CNTNAP2: variants seen among roughly 807,000 people sequenced by gnomAD.
The protein encoded by CNTNAP2 is contactin-associated protein-like 2.
CNTNAP2 carries 98 observed loss-of-function variants against 155.2 expected under a neutral mutation model. The observed-to-expected ratio is 0.63, with a 90% CI of 0.54 to 0.75. CNTNAP2 has a LOEUF of 0.75. Among genes scored for constraint, CNTNAP2 ranks in the 30% least tolerant of loss-of-function variants. CNTNAP2 has a pLI of 0.00. For synonymous variants in CNTNAP2, 651 were observed against 631.2 expected, an observed-to-expected ratio of 1.03 and a Z score of -0.47; for missense variants, 1,727 against 1,688.1, an observed-to-expected ratio of 1.02 and a Z score of -0.40.
intron 1 of CNTNAP2, among the ~76,000 whole-genome samples, chr7:146,693,157 G>C (rs1800725755): frequency 6.6e-6 from 1 of 152,064 alleles, no homozygotes; most frequent in Non-Finnish European, 1.5e-5. Context: ...TAGTAACAAA[G>C]ATAGCATTGT....
At chr7:148,170,065 T>C (rs1246440907) in intron 17 of CNTNAP2, among the ~76,000 whole-genome samples, 1 of 152,184 alleles carries the variant, frequency 6.6e-6, no homozygotes, top group Admixed American at 6.5e-5. Context: ...AGTATGTTCA[T>C]AGAAAAATGA....
intron 1 of CNTNAP2, among the ~76,000 whole-genome samples, chr7:146,453,284 C>T (rs1159059465): frequency 1.3e-5 from 2 of 152,306 alleles, no homozygotes; most frequent in Admixed American, 6.5e-5. Flanking sequence ...AAACTATCTG[C>T]TGCTTATTCC....
intron 21 of CNTNAP2, among the ~76,000 whole-genome samples, chr7:148,336,384 A>G (rs12667241): frequency 0.51 from 76,967 of 151,452 alleles, 19,797 homozygotes; most frequent in East Asian, 0.66. Flanking sequence ...AATATATAGC[A>G]GTTGATATGC....
rs776175685 is a variant in CNTNAP2, at chr7:147,044,064, G to A, written c.550+10G>A. On this transcript the variant is annotated intron_variant, in intron 4 of 23. Coordinates refer to ENST00000361727, the MANE Select transcript of CNTNAP2 (RefSeq NM_014141.6). The stretch of plus-strand genomic sequence containing the variant: ...TATGGCTGTTCTTACTGTGAGTATC[G>A]TATTGTTTAAATTTGTGGCAGGTTT... 24 of 1,613,880 alleles carry A rather than the reference G, an allele frequency of 1.5e-5. No individual in the cohort carries two copies. Among genetic ancestry groups the A allele is most frequent in the Non-Finnish European group, 1.9e-5 (23 of 1,179,860 alleles).
intron 3 of CNTNAP2, among the ~76,000 whole-genome samples, chr7:147,000,708 A>T (rs1216737520): frequency 6.6e-6 from 1 of 152,138 alleles, no homozygotes; most frequent in Non-Finnish European, 1.5e-5. Flanking sequence ...CAGGGCTAAA[A>T]GTCCATGAAT....
chr7:146,626,367 T>C (rs1799419152), intron 1 of CNTNAP2, among the ~76,000 whole-genome samples: 1 of 152,140 alleles, frequency 6.6e-6, no homozygotes, highest in East Asian at 1.9e-4. Flanking sequence ...CATTCTGTTC[T>C]GAGAGGGTTG....
At chr7:146,925,136 G>T (rs1796581036) in intron 3 of CNTNAP2, among the ~76,000 whole-genome samples, 2 of 151,906 alleles carry the variant, frequency 1.3e-5, no homozygotes, top group Non-Finnish European at 1.5e-5. Context: ...AATAATATAT[G>T]CACCCATATT....
chr7:147,507,831 G>A lies in CNTNAP2; in HGVS notation c.1777+21790G>A, dbSNP rs574438696. ...CTCCCAAAGTGCTGAGATTACAGGC[G>A]TGAGCCACCGCGCCTGGCCACTTTC... On this transcript the variant is annotated intron_variant, in intron 11 of 23. Coordinates refer to ENST00000361727, the MANE Select transcript of CNTNAP2 (RefSeq NM_014141.6). Among the ~76,000 whole-genome samples, 209 of 152,142 alleles carry A rather than the reference G, an allele frequency of 1.4e-3. 1 individual carries two copies. The highest frequency in any genetic ancestry group is 2.4e-3 in the Non-Finnish European group (161 of 68,006).
chr7:146,816,164 A>T (rs201840612), intron 2 of CNTNAP2, among the ~76,000 whole-genome samples: 24 of 152,140 alleles, frequency 1.6e-4, no homozygotes, highest in Non-Finnish European at 2.9e-4. Context: ...TCTATCATTG[A>T]TAGACATTTG....
At chr7:147,990,710 G>A (rs1329379684) in intron 15 of CNTNAP2, among the ~76,000 whole-genome samples, 2 of 152,058 alleles carry the variant, frequency 1.3e-5, no homozygotes, top group South Asian at 2.1e-4. Context: ...GGCGGTGCTT[G>A]TCCAAGATGG....
intron 5 of CNTNAP2, among the ~76,000 whole-genome samples, chr7:147,110,567 T>G (rs1398747289): frequency 3.9e-5 from 6 of 152,254 alleles, no homozygotes; most frequent in Admixed American, 2.0e-4. Flanking sequence ...GTTGTTCCTC[T>G]CTATGTGTCC....
intron 13 of CNTNAP2, among the ~76,000 whole-genome samples, chr7:147,715,684 T>C (rs147662228): frequency 0.011 from 1,609 of 152,242 alleles, 22 homozygotes; most frequent in African/African-American, 0.037. Context: ...CAGAATACTT[T>C]TTTTTTATTT....
In CNTNAP2 at chr7:147,402,182, T is replaced by C. The variant is rs1014950908; in HGVS notation, c.1670+6402T>C. Among the ~76,000 whole-genome samples the C allele has an allele frequency of 2.6e-5, 4 of 152,214 alleles. No homozygotes were observed. In the South Asian group the frequency reaches 6.2e-4, roughly 24 times the overall value. ...GAGTTGATCTCAGTCAAAGGTAAAC[T>C]TCCTTTTGTGGTTGTACTACCATTT... On this transcript the variant is annotated intron_variant, in intron 10 of 23. Coordinates refer to ENST00000361727, the MANE Select transcript of CNTNAP2 (RefSeq NM_014141.6).
At chr7:147,294,055 T>C (rs546463437) in intron 8 of CNTNAP2, among the ~76,000 whole-genome samples, 1 of 152,190 alleles carries the variant, frequency 6.6e-6, no homozygotes, top group Non-Finnish European at 1.5e-5. Context: ...CATACCACAC[T>C]GTATGTGGTA....
chr7:147,934,399 ACTC>A (rs902396397), intron 14 of CNTNAP2, among the ~76,000 whole-genome samples: 11 of 151,902 alleles, frequency 7.2e-5, no homozygotes, highest in African/African-American at 2.7e-4. Flanking sequence ...GTGCAGGGGA[ACTC>A]CTCCTTTTAA....
chr7:148,208,869 C>G (rs115764985), intron 18 of CNTNAP2, among the ~76,000 whole-genome samples: 1 of 152,140 alleles, frequency 6.6e-6, no homozygotes, highest in East Asian at 1.9e-4. Context: ...AAGGGGTCCC[C>G]GGGGTGCCCT....
chr7:148,155,727 T>C (rs1208566039), intron 17 of CNTNAP2, among the ~76,000 whole-genome samples: 1 of 152,192 alleles, frequency 6.6e-6, no homozygotes, highest in Non-Finnish European at 1.5e-5. Flanking sequence ...ACAAATTTTC[T>C]AAAGTAAGTG....
At chr7:146,254,331 G>A (rs1219448077) in intron 1 of CNTNAP2, among the ~76,000 whole-genome samples, 2 of 152,166 alleles carry the variant, frequency 1.3e-5, no homozygotes, top group Non-Finnish European at 2.9e-5. Flanking sequence ...AGCATTTCAT[G>A]TGTATTTCAA....
intron 2 of CNTNAP2, among the ~76,000 whole-genome samples, chr7:146,819,349 C>T (rs1220130371): frequency 6.6e-6 from 1 of 152,102 alleles, no homozygotes; most frequent in Non-Finnish European, 1.5e-5. Flanking sequence ...TCTATTTTTA[C>T]TTGAAAAGAG....
Sources: allele counts gnomAD v4.1 joint callset (sites outside exome capture counted in the v4.1 genomes callset), GRCh38; gene constraint gnomAD v4.1.1; transcripts MANE v1.5; gene names NCBI Gene and HGNC (gene_info 2026-07-23, HGNC 2026-07-21).